SDCCAG8: variants seen among roughly 807,000 people sequenced by gnomAD.
SDCCAG8 encodes the protein serologically defined colon cancer antigen 8.
Under a neutral mutation model 101.8 loss-of-function variants are expected in SDCCAG8, and 74 were observed. The ratio of observed to expected loss-of-function variants is 0.73; its 90% CI spans 0.60 to 0.88. The LOEUF (loss-of-function observed/expected upper bound fraction) is 0.88. SDCCAG8 is among the 40% of genes least tolerant of loss of function. SDCCAG8 has a pLI of 0.00. For missense variants in SDCCAG8, 787 were observed against 822.6 expected, an observed-to-expected ratio of 0.96 and a Z score of 0.53; for synonymous variants, 281 against 292.9, an observed-to-expected ratio of 0.96 and a Z score of 0.41.
At chr1:243,283,340 G>C (rs961706472) in intron 4 of SDCCAG8, among the ~76,000 whole-genome samples, 1 of 151,068 alleles carries the variant, frequency 6.6e-6, no homozygotes, top group African/African-American at 2.4e-5. Flanking sequence ...AAATTTTTCA[G>C]TCATTATTGA....
chr1:243,301,232 C>G (rs1031925586), intron 6 of SDCCAG8, among the ~76,000 whole-genome samples: 2 of 152,138 alleles, frequency 1.3e-5, no homozygotes, highest in African/African-American at 2.4e-5. Context: ...CCTCCTATTG[C>G]TATTGTGGTG....
At chr1:243,276,173 TAAAGGAATAGGATCA>T (rs1253125326) in intron 4 of SDCCAG8, among the ~76,000 whole-genome samples, 1 of 152,146 alleles carries the variant, frequency 6.6e-6, no homozygotes, top group Non-Finnish European at 1.5e-5. Context: ...AAACCAGTCT[TAAAGGAATAGGATCA>T]TTTAGATCAG....
In SDCCAG8 at chr1:243,353,985, A is replaced by G. The variant is rs533492172; in HGVS notation, c.1473+9654A>G. 2.0e-5 allele frequency among the ~76,000 whole-genome samples: 3 copies of G among 152,294 alleles called. No individual in the cohort carries two copies. In the East Asian group the frequency reaches 5.8e-4, roughly 29 times the overall value. The stretch of plus-strand genomic sequence containing the variant: ...AAATAAAGAATTGACAATTATCTTG[A>G]TTTGTGGAGGATTAGCACATGACTG... On this transcript the variant is annotated intron_variant, in intron 12 of 17. Transcript: ENST00000366541.
chr1:243,390,502 C>T (rs550573600), intron 13 of SDCCAG8, among the ~76,000 whole-genome samples: 15 of 152,186 alleles, frequency 9.9e-5, no homozygotes, highest in Non-Finnish European at 1.5e-4. Flanking sequence ...CAGTGTGGCC[C>T]GGGGCGGGAG....
chr1:243,283,197 A>T (rs2069226788), intron 4 of SDCCAG8, among the ~76,000 whole-genome samples: 1 of 151,342 alleles, frequency 6.6e-6, no homozygotes, highest in Admixed American at 6.6e-5. Flanking sequence ...TTATTTTAAG[A>T]TTTTTCTCTT....
At chr1:243,296,240 C>A (rs989360912) in intron 6 of SDCCAG8, among the ~76,000 whole-genome samples, 1 of 152,154 alleles carries the variant, frequency 6.6e-6, no homozygotes, top group African/African-American at 2.4e-5. Flanking sequence ...AAGTGATCCA[C>A]CATCTTCAGC....
At chr1:243,372,263 G>A (rs2077335068) in intron 12 of SDCCAG8, among the ~76,000 whole-genome samples, 1 of 151,996 alleles carries the variant, frequency 6.6e-6, no homozygotes, top group Admixed American at 6.6e-5. Flanking sequence ...TTTAACTTGC[G>A]AGGATTTTTG....
chr1:243,498,374 G>T (rs1668562622), intron 17 of SDCCAG8, among the ~76,000 whole-genome samples: 1 of 152,186 alleles, frequency 6.6e-6, no homozygotes, highest in Non-Finnish European at 1.5e-5. Flanking sequence ...GGAGAACAAA[G>T]CATCCCGTGG....
chr1:243,261,691 G>A (rs1445154249), intron 1 of SDCCAG8, among the ~76,000 whole-genome samples: 1 of 151,988 alleles, frequency 6.6e-6, no homozygotes, highest in African/African-American at 2.4e-5. Flanking sequence ...TATAAAACTT[G>A]TATTTCTTTT....
At chr1:243,331,350 C>A (rs2074578662) in intron 10 of SDCCAG8, among the ~76,000 whole-genome samples, 1 of 152,130 alleles carries the variant, frequency 6.6e-6, no homozygotes, top group Non-Finnish European at 1.5e-5. Flanking sequence ...ATCAAGTAAC[C>A]AAAACAACTG....
intron 17 of SDCCAG8, among the ~76,000 whole-genome samples, chr1:243,494,314 ACT>A (rs1447720478): frequency 2.6e-5 from 4 of 152,232 alleles, no homozygotes; most frequent in South Asian, 2.1e-4. Context: ...ATAAAAACTG[ACT>A]CTGTTAAAGT....
chr1:243,471,910 A>G (rs1239459347), intron 16 of SDCCAG8, among the ~76,000 whole-genome samples: 1 of 152,230 alleles, frequency 6.6e-6, no homozygotes, highest in Non-Finnish European at 1.5e-5. Context: ...GTATGAATAT[A>G]CTGTAAATTG....
chr1:243,278,999 C>A (rs2068805872), intron 4 of SDCCAG8, among the ~76,000 whole-genome samples: 1 of 152,082 alleles, frequency 6.6e-6, no homozygotes. Flanking sequence ...TCATGTTGCC[C>A]AGGCTGGTCT....
chr1:243,491,450 A>AC (rs748102009), intron 17 of SDCCAG8, among the ~76,000 whole-genome samples: 9 of 152,234 alleles, frequency 5.9e-5, no homozygotes, highest in Non-Finnish European at 1.2e-4. Flanking sequence ...TTTAATATGA[A>AC]CATGACAAAA....
At position 243,415,013 on chromosome 1, in the gene SDCCAG8, A is replaced by G. The variant is rs149049351; in HGVS notation, c.1617-689A>G. ...TGCTTGGTTATTGACCCAGTGGGATAGGTCAGTGTCCTATCACAGTACGAT... is the reference window on the plus strand; with the variant it reads ...TGCTTGGTTATTGACCCAGTGGGATGGGTCAGTGTCCTATCACAGTACGAT... On this transcript the variant is annotated intron_variant, in intron 13 of 17. Coordinates refer to ENST00000366541, the MANE Select transcript of SDCCAG8 (RefSeq NM_006642.5). Among the ~76,000 whole-genome samples the G allele has an allele frequency of 8.2e-4, 125 of 152,274 alleles. 5 individuals carry two copies. In the East Asian group the frequency reaches 0.02, roughly 25 times the overall value.
intron 13 of SDCCAG8, among the ~76,000 whole-genome samples, chr1:243,392,976 T>C (rs1266551841): frequency 6.6e-6 from 1 of 151,888 alleles, no homozygotes; most frequent in African/African-American, 2.4e-5. Flanking sequence ...TACCTCCTTT[T>C]TGTCAAAAAT....
chr1:243,301,182 A>C (rs1044378274), intron 6 of SDCCAG8, among the ~76,000 whole-genome samples: 7 of 152,210 alleles, frequency 4.6e-5, no homozygotes, highest in South Asian at 2.1e-4. Context: ...ATAAAGTAAA[A>C]TGTAGTACAT....
At chr1:243,283,272 T>C (rs899900124) in intron 4 of SDCCAG8, among the ~76,000 whole-genome samples, 1 of 152,072 alleles carries the variant, frequency 6.6e-6, no homozygotes, top group Non-Finnish European at 1.5e-5. Context: ...GTATTTATCC[T>C]GCTTGGTGTT....
intron 4 of SDCCAG8, among the ~76,000 whole-genome samples, chr1:243,278,471 G>A (rs950103340): frequency 6.6e-6 from 1 of 152,066 alleles, no homozygotes; most frequent in African/African-American, 2.4e-5. Context: ...CACCCGCCTC[G>A]GTCTCCCAAA....
Sources: gnomAD v4.1 joint callset for allele counts (sites outside exome capture counted in the v4.1 genomes callset) on GRCh38, gnomAD v4.1.1 for gene constraint, MANE v1.5 for transcripts, NCBI Gene and HGNC (gene_info 2026-07-23, HGNC 2026-07-21) for gene names.